Variants in LRMDA observed in about 807,000 individuals in gnomAD.
LRMDA encodes leucine rich melanocyte differentiation associated.
LRMDA carries 18 observed loss-of-function variants against 29.8 expected under a neutral mutation model. The observed-to-expected ratio is 0.60, with a 90% CI of 0.42 to 0.90. The LOEUF (loss-of-function observed/expected upper bound fraction) is 0.90, where lower values mean the gene tolerates loss of function less well. Ranked by LOEUF, LRMDA falls within the 40% of genes least tolerant of loss-of-function variation. The pLI is 0.00. For synonymous variants in LRMDA, 125 were observed against 109.4 expected (o/e 1.14, Z -0.89); for missense variants, 273 against 273.9 (o/e 1.00, Z 0.02).
chr10:76,126,155 G>T (rs1200461192), intron 5 of LRMDA, among the ~76,000 whole-genome samples: 1 of 152,182 alleles, frequency 6.6e-6, no homozygotes, highest in African/African-American at 2.4e-5. Context: ...AGCTTCATGA[G>T]AAAAGCCTGC....
intron 2 of LRMDA, among the ~76,000 whole-genome samples, chr10:75,958,581 A>G (rs1406823099): frequency 6.6e-6 from 1 of 152,070 alleles, no homozygotes; most frequent in East Asian, 1.9e-4. Flanking sequence ...AAACCTGCCC[A>G]CTTTCTCTAA....
intron 2 of LRMDA, among the ~76,000 whole-genome samples, chr10:75,485,596 A>G (rs566525292): frequency 2.2e-4 from 33 of 151,034 alleles, no homozygotes; most frequent in Middle Eastern, 3.4e-3. Flanking sequence ...ATATATACAT[A>G]TTTTGAGATG....
intron 1 of LRMDA, among the ~76,000 whole-genome samples, chr10:75,433,304 C>G (rs1215803066): frequency 6.6e-6 from 1 of 152,134 alleles, no homozygotes; most frequent in Non-Finnish European, 1.5e-5. Context: ...GCTCTTCCTC[C>G]GTTTCCTAGA....
intron 2 of LRMDA, among the ~76,000 whole-genome samples, chr10:75,727,513 AT>A (rs1170757123): frequency 2.0e-5 from 3 of 152,238 alleles, no homozygotes; most frequent in African/African-American, 7.2e-5. Context: ...AGATATGCAT[AT>A]GCTTATCGCT....
intron 6 of LRMDA, among the ~76,000 whole-genome samples, chr10:76,503,752 A>G (rs751437679): frequency 6.6e-6 from 1 of 151,086 alleles, no homozygotes; most frequent in Non-Finnish European, 1.5e-5. Flanking sequence ...AGATCTATGA[A>G]TTTTGTTTAT....
chr10:76,252,385 A>G (rs1025318621), intron 5 of LRMDA, among the ~76,000 whole-genome samples: 1 of 152,240 alleles, frequency 6.6e-6, no homozygotes, highest in Non-Finnish European at 1.5e-5. Flanking sequence ...ATTGTTTGAC[A>G]TAATATTGTC....
chr10:75,675,425 C>T (rs1841947745), intron 2 of LRMDA, among the ~76,000 whole-genome samples: 1 of 152,156 alleles, frequency 6.6e-6, no homozygotes, highest in African/African-American at 2.4e-5. Flanking sequence ...GCAGGATGGA[C>T]CTGAGACTTG....
At chr10:75,633,927 G>A (rs1454266061) in intron 2 of LRMDA, among the ~76,000 whole-genome samples, 2 of 152,168 alleles carry the variant, frequency 1.3e-5, no homozygotes, top group African/African-American at 4.8e-5. Flanking sequence ...AAAAAATTAA[G>A]GAATATCTAT....
intron 3 of LRMDA, among the ~76,000 whole-genome samples, chr10:76,043,764 G>C: frequency 6.6e-6 from 1 of 152,120 alleles, no homozygotes. Context: ...ATTAAATGTT[G>C]AGAAATGACT....
chr10:75,748,742 A>C (rs1220388771), intron 2 of LRMDA, among the ~76,000 whole-genome samples: 1 of 152,210 alleles, frequency 6.6e-6, no homozygotes. Flanking sequence ...CAACATTATA[A>C]AAAATAGGAC....
intron 2 of LRMDA, among the ~76,000 whole-genome samples, chr10:75,864,878 C>T (rs527725434): frequency 2.0e-5 from 3 of 152,066 alleles, no homozygotes; most frequent in African/African-American, 7.2e-5. Flanking sequence ...GTACAGCTTG[C>T]CATTATATCA....
chr10:75,856,926 G>C (rs1052579942), intron 2 of LRMDA, among the ~76,000 whole-genome samples: 6 of 152,180 alleles, frequency 3.9e-5, no homozygotes, highest in African/African-American at 1.4e-4. Context: ...TGTATATTTA[G>C]AAAACCCCAT....
At chr10:75,899,375 G>A (rs1845634095) in intron 2 of LRMDA, among the ~76,000 whole-genome samples, 2 of 152,216 alleles carry the variant, frequency 1.3e-5, no homozygotes, top group Non-Finnish European at 2.9e-5. Context: ...TATGAAATGC[G>A]TTAAGTTCTG....
chr10:75,790,019 A>T (rs774847382), intron 2 of LRMDA, among the ~76,000 whole-genome samples: 1 of 152,134 alleles, frequency 6.6e-6, no homozygotes, highest in Non-Finnish European at 1.5e-5. Context: ...GAGCAGGTAG[A>T]TTTTCAGTAT....
chr10:76,346,564 A>G (rs1486405735), intron 6 of LRMDA: 12 of 152,302 alleles, frequency 7.9e-5, no homozygotes, highest in Non-Finnish European at 1.5e-4. Context: ...GTACGTGCAT[A>G]TATTGTATGG....
At chr10:76,177,176 C>T (rs74578157) in intron 5 of LRMDA, among the ~76,000 whole-genome samples, 7 of 152,286 alleles carry the variant, frequency 4.6e-5, no homozygotes, top group South Asian at 4.1e-4. Context: ...GCTTTTTAAT[C>T]GGAGAAGAAT....
At chr10:76,383,360 C>A (rs1215725980) in intron 6 of LRMDA, among the ~76,000 whole-genome samples, 6 of 151,772 alleles carry the variant, frequency 4.0e-5, no homozygotes, top group Non-Finnish European at 8.8e-5. Context: ...AGCTCTGCAC[C>A]ACACTCCAGA....
chr10:76,553,963 TC>T (rs1421213627), intron 6 of LRMDA, among the ~76,000 whole-genome samples: 8 of 152,174 alleles, frequency 5.3e-5, no homozygotes, highest in African/African-American at 1.9e-4. Flanking sequence ...AGGTGACAGC[TC>T]CTCACACAAT....
intron 2 of LRMDA, among the ~76,000 whole-genome samples, chr10:75,752,742 A>G (rs771982853): frequency 4.6e-5 from 7 of 152,140 alleles, no homozygotes; most frequent in Non-Finnish European, 8.8e-5. Flanking sequence ...GTTAGGGTTG[A>G]CACTCTAGGA....
Sources: gnomAD v4.1 joint callset for allele counts (sites outside exome capture counted in the v4.1 genomes callset) on GRCh38, gnomAD v4.1.1 for gene constraint, MANE v1.5 for transcripts, NCBI Gene and HGNC (gene_info 2026-07-23, HGNC 2026-07-21) for gene names.